The following KCNIP4 variants were observed in gnomAD, a reference collection of about 807,000 sequenced individuals.
KCNIP4 encodes potassium voltage-gated channel interacting protein 4, also known as Kv channel-interacting protein 4.
A neutral mutation model predicts 34.0 loss-of-function variants in KCNIP4; 12 were observed. The observed-to-expected ratio is 0.35, with a 90% CI of 0.23 to 0.57. The LOEUF (loss-of-function observed/expected upper bound fraction) is 0.57. Among genes scored for constraint, KCNIP4 ranks in the 20% least tolerant of loss-of-function variants. KCNIP4 has a pLI of 0.83. For synonymous variants in KCNIP4, 124 were observed against 102.2 expected (o/e 1.21, Z -1.29); for missense variants, 238 against 311.7 (o/e 0.76, Z 1.78).
chr4:20,876,689 C>T (rs1724077799), intron 2 of KCNIP4, among the ~76,000 whole-genome samples: 1 of 152,116 alleles, frequency 6.6e-6, no homozygotes, highest in South Asian at 2.1e-4. Flanking sequence ...ATTCTCCTGC[C>T]TCAGCCTTCC....
chr4:21,680,040 A>G (rs1577829810), intron 1 of KCNIP4, among the ~76,000 whole-genome samples: 1 of 152,092 alleles, frequency 6.6e-6, no homozygotes, highest in South Asian at 2.1e-4. Flanking sequence ...ATATTGATTG[A>G]CTCTTTCATC....
intron 1 of KCNIP4, among the ~76,000 whole-genome samples, chr4:21,862,163 T>G (rs1435401320): frequency 3.3e-5 from 5 of 152,064 alleles, no homozygotes; most frequent in Admixed American, 1.3e-4. Flanking sequence ...TAATCTAAAT[T>G]TGCCCCTTTC....
At chr4:21,771,205 T>C (rs1036061857) in intron 1 of KCNIP4, among the ~76,000 whole-genome samples, 4 of 152,080 alleles carry the variant, frequency 2.6e-5, no homozygotes, top group Admixed American at 1.3e-4. Context: ...GAGATCATTT[T>C]CCCATTGCTT....
intron 1 of KCNIP4, among the ~76,000 whole-genome samples, chr4:21,699,672 G>A (rs1281190932): frequency 6.6e-6 from 1 of 152,170 alleles, no homozygotes; most frequent in Non-Finnish European, 1.5e-5. Context: ...AGAGAGAAGG[G>A]TGTGGCTGCT....
intron 1 of KCNIP4, among the ~76,000 whole-genome samples, chr4:21,027,200 G>A (rs1280246004): frequency 6.6e-6 from 1 of 152,034 alleles, no homozygotes; most frequent in African/African-American, 2.4e-5. Context: ...GTTTAATCGG[G>A]GTCAACAAAG....
At chr4:21,713,198 A>G (rs1352549092) in intron 1 of KCNIP4, among the ~76,000 whole-genome samples, 2 of 152,222 alleles carry the variant, frequency 1.3e-5, no homozygotes, top group South Asian at 2.1e-4. Flanking sequence ...GAAAATGTAT[A>G]TTAAACACAT....
chr4:21,627,114 A>C (rs2109193141), intron 1 of KCNIP4, among the ~76,000 whole-genome samples: 1 of 152,290 alleles, frequency 6.6e-6, no homozygotes, highest in South Asian at 2.1e-4. Context: ...TCTTAGCCTA[A>C]ATAACAAATT....
chr4:20,983,924 A>AG, intron 1 of KCNIP4: 1 of 1,536,012 alleles, frequency 6.5e-7, no homozygotes, highest in Non-Finnish European at 8.7e-7. Context: ...CAGAGTCAAC[A>AG]TCCTCTGAGC....
intron 3 of KCNIP4, among the ~76,000 whole-genome samples, chr4:20,809,835 A>T (rs990780935): frequency 1.3e-5 from 2 of 152,176 alleles, no homozygotes; most frequent in African/African-American, 4.8e-5. Flanking sequence ...GTCTGCCCTT[A>T]TATGAACTGC....
chr4:21,904,383 A>G (rs1727876155), intron 1 of KCNIP4, among the ~76,000 whole-genome samples: 1 of 152,206 alleles, frequency 6.6e-6, no homozygotes, highest in Non-Finnish European at 1.5e-5. Context: ...ACACAAAGAT[A>G]TCCCACAGGA....
chr4:21,786,121 G>A (rs2109223286), intron 1 of KCNIP4, among the ~76,000 whole-genome samples: 1 of 152,264 alleles, frequency 6.6e-6, no homozygotes. Context: ...GCTAATTTTT[G>A]TATTTTCAGT....
intron 1 of KCNIP4, among the ~76,000 whole-genome samples, chr4:21,509,754 T>C (rs1197184204): frequency 6.6e-6 from 1 of 152,188 alleles, no homozygotes; most frequent in East Asian, 1.9e-4. Flanking sequence ...CACCTGATCT[T>C]CTGGCCTGTG....
chr4:21,529,861 A>G (rs1364388673), intron 1 of KCNIP4, among the ~76,000 whole-genome samples: 1 of 152,144 alleles, frequency 6.6e-6, no homozygotes, highest in East Asian at 1.9e-4. Flanking sequence ...TGTCTTGAAA[A>G]CTTAAGCTTT....
chr4:21,107,080 T>C (rs914035041), intron 1 of KCNIP4, among the ~76,000 whole-genome samples: 2 of 147,312 alleles, frequency 1.4e-5, no homozygotes, highest in East Asian at 3.9e-4. Context: ...TTCTGTTGAT[T>C]TGGGGTGGAG....
intron 1 of KCNIP4, among the ~76,000 whole-genome samples, chr4:21,532,779 C>T (rs1019519783): frequency 2.0e-5 from 3 of 151,980 alleles, no homozygotes; most frequent in Non-Finnish European, 4.4e-5. Context: ...GTTAAGCCTG[C>T]TAACTGAAAC....
intron 1 of KCNIP4, among the ~76,000 whole-genome samples, chr4:21,670,934 G>GT (rs1249182859): frequency 1.3e-5 from 2 of 151,692 alleles, no homozygotes; most frequent in Admixed American, 1.3e-4. Context: ...GGGATTACAG[G>GT]TGTGAGCCAC....
intron 1 of KCNIP4, among the ~76,000 whole-genome samples, chr4:21,522,453 A>G (rs1735619023): frequency 6.6e-6 from 1 of 151,838 alleles, no homozygotes. Flanking sequence ...TGCAGCCTCT[A>G]ACTCCTGGGC....
chr4:21,706,027 C>T (rs1713237712), intron 1 of KCNIP4, among the ~76,000 whole-genome samples: 1 of 152,238 alleles, frequency 6.6e-6, no homozygotes, highest in East Asian at 1.9e-4. Context: ...TTGTTTAATG[C>T]TATCCTTGGG....
rs71191533 is a variant in KCNIP4 at position 21,683,446 on chromosome 4, A to ATTTTTTTTTTTTTTTTTTTTTTT, written c.61+265102_61+265124dup. Among the ~76,000 whole-genome samples the ATTTTTTTTTTTTTTTTTTTTTTT allele has an allele frequency of 3.6e-4, 17 of 46,614 alleles. 4 individuals are homozygous for ATTTTTTTTTTTTTTTTTTTTTTT. Among genetic ancestry groups the ATTTTTTTTTTTTTTTTTTTTTTT allele is most frequent in the Non-Finnish European group, 6.7e-4 (16 of 24,002 alleles). 30.6% of individuals were successfully genotyped at this position (46,614 alleles called of 152,430 possible). ...TACGACTAATGATTGGTGAAGCCAGATTTTTTTTTTTTTTTTTTTTTTTTT... is the reference window on the plus strand; with the variant it reads ...TACGACTAATGATTGGTGAAGCCAGATTTTTTTTTTTTTTTTTTTTTTTTTTTTTTTTTTTTTTTTTTTTTTTT... On this transcript the variant is annotated intron_variant, in intron 1 of 8. Transcript: ENST00000382152.
Sources: allele counts gnomAD v4.1 joint callset (sites outside exome capture counted in the v4.1 genomes callset), GRCh38; gene constraint gnomAD v4.1.1; transcripts MANE v1.5; gene names NCBI Gene and HGNC (gene_info 2026-07-23, HGNC 2026-07-21).